SHISA6: variants seen among roughly 807,000 people sequenced by gnomAD.
The protein encoded by SHISA6 is shisa family member 6, also known as protein shisa-6.
A neutral mutation model predicts 47.9 loss-of-function variants in SHISA6; 22 were observed. The observed-to-expected ratio is 0.46, with a 90% CI of 0.33 to 0.66. SHISA6 has a LOEUF of 0.66. Among genes scored for constraint, SHISA6 ranks in the 30% least tolerant of loss-of-function variants. The pLI is 0.02. For missense variants in SHISA6, 680 were observed against 764.6 expected, an observed-to-expected ratio of 0.89 and a Z score of 1.30; for synonymous variants, 388 against 337.8, an observed-to-expected ratio of 1.15 and a Z score of -1.63.
chr17:11,241,625 C>T lies in SHISA6; in HGVS notation c.203C>T (p.Pro68Leu). 1 of 1,337,054 alleles carries T rather than the reference C, an allele frequency of 7.5e-7. No individual in the cohort carries two copies. Among genetic ancestry groups the T allele is most frequent in the Non-Finnish European group, 9.5e-7 (1 of 1,054,874 alleles). 82.8% of individuals were successfully genotyped at this position (1,337,054 alleles called of 1,614,324 possible). A position where few individuals can be genotyped will look rare whatever the true frequency, so the allele number is the denominator to read the frequency against. Reference protein sequence around the residue: ...LNGTARAPGIPEAGSRRGQPA... With the variant: ...LNGTARAPGILEAGSRRGQPA... ...GGCACCGCCCGGGCGCCCGGAATCC[C>T]GGAGGCGGGAAGCCGGCGGGGGCAG... Residue 68 changes from proline (P) to leucine (L), a missense_variant, in exon 1 of 6, where the codon CCG becomes CTG. By Grantham distance (98) the Pro-to-Leu change is moderately conservative. Coordinates refer to ENST00000441885, the MANE Select transcript of SHISA6 (RefSeq NM_207386.4). The surrounding 1 kb of genome is among the most constrained non-coding windows in gnomAD (Gnocchi z 5.5).
intron 3 of SHISA6, among the ~76,000 whole-genome samples, chr17:11,451,378 C>T (rs12940269): frequency 0.19 from 28,582 of 152,092 alleles, 3,040 homozygotes; most frequent in Middle Eastern, 0.24. Context: ...TTCATTCATC[C>T]GACAAAAGCT....
chr17:11,478,962 T>A (rs1397326296), intron 3 of SHISA6, among the ~76,000 whole-genome samples: 1 of 152,076 alleles, frequency 6.6e-6, no homozygotes, highest in East Asian at 1.9e-4. Context: ...GTGAAGAAAG[T>A]CATTGGTAGC....
rs1913866285 is a variant in SHISA6, at chr17:11,404,102, G to A, written c.895+24593G>A. ...AAGTTCAGTCAAAATAAAAATATCA[G>A]GCAGCTTTTAGGGAGATCAAAGCCA... On this transcript the variant is annotated intron_variant, in intron 3 of 5. Coordinates refer to ENST00000441885, the MANE Select transcript of SHISA6 (RefSeq NM_207386.4). Among the ~76,000 whole-genome samples, 5 of 152,192 alleles carry A rather than the reference G, an allele frequency of 3.3e-5. No individual in the cohort carries two copies. In the South Asian group the frequency reaches 1.0e-3, roughly 31 times the overall value.
Position 11,302,923 on chromosome 17 carries a change from G to C in SHISA6, c.799+39397G>C, listed in dbSNP as rs1345227315. Among the ~76,000 whole-genome samples, 7 of 152,162 alleles carry C rather than the reference G, an allele frequency of 4.6e-5. No homozygotes were observed. In the East Asian group the frequency reaches 1.3e-3, roughly 29 times the overall value. On this transcript the variant is annotated intron_variant, in intron 2 of 5. Transcript: ENST00000441885. ...TCTAGATGAAACAGACTTCCTGCAG[G>C]TTCTGCTGGAGTTTCATTGAAGGCT... is the stretch of plus-strand genomic sequence containing the variant.
intron 3 of SHISA6, among the ~76,000 whole-genome samples, chr17:11,449,829 A>G (rs11655824): frequency 0.087 from 13,211 of 152,234 alleles, 694 homozygotes; most frequent in Admixed American, 0.12. Context: ...TTGGCGATAG[A>G]TGTTTCACAC....
chr17:11,512,976 C>T (rs1486269962), intron 3 of SHISA6, among the ~76,000 whole-genome samples: 1 of 151,936 alleles, frequency 6.6e-6, no homozygotes, highest in Non-Finnish European at 1.5e-5. Flanking sequence ...TCCTTAGGAT[C>T]TATTGCCTTT....
At chr17:11,403,457 A>G (rs1201838046) in intron 3 of SHISA6, among the ~76,000 whole-genome samples, 1 of 152,210 alleles carries the variant, frequency 6.6e-6, no homozygotes, top group Non-Finnish European at 1.5e-5. Flanking sequence ...TTCTAGGGGA[A>G]CACAACAAAA....
chr17:11,401,821 A>G (rs1197963596), intron 3 of SHISA6, among the ~76,000 whole-genome samples: 1 of 152,162 alleles, frequency 6.6e-6, no homozygotes, highest in African/African-American at 2.4e-5. Context: ...TGTTGACACA[A>G]TCATGGAGTG....
chr17:11,381,150 T>G (rs535561686), intron 3 of SHISA6, among the ~76,000 whole-genome samples: 1 of 152,158 alleles, frequency 6.6e-6, no homozygotes, highest in Admixed American at 6.5e-5. Context: ...AAATATGGAT[T>G]TCCAAACAGA....
chr17:11,453,222 G>T (rs1455716390), intron 3 of SHISA6, among the ~76,000 whole-genome samples: 1 of 152,148 alleles, frequency 6.6e-6, no homozygotes, highest in Admixed American at 6.5e-5. Flanking sequence ...ATCCATTGTG[G>T]ATGCTAAAAG....
At chr17:11,497,361 T>C (rs2071417669) in intron 3 of SHISA6, among the ~76,000 whole-genome samples, 2 of 152,126 alleles carry the variant, frequency 1.3e-5, no homozygotes, top group African/African-American at 4.8e-5. Flanking sequence ...ATAATCACTC[T>C]GACTGCTGTG....
chr17:11,279,319 T>C (rs964682293), intron 2 of SHISA6, among the ~76,000 whole-genome samples: 1 of 152,160 alleles, frequency 6.6e-6, no homozygotes, highest in African/African-American at 2.4e-5. Flanking sequence ...AGAATACTCA[T>C]ATCAACTTGT....
chr17:11,533,956 G>A (rs977437402), intron 3 of SHISA6, among the ~76,000 whole-genome samples: 2 of 139,754 alleles, frequency 1.4e-5, no homozygotes, highest in Non-Finnish European at 3.0e-5. Flanking sequence ...ACACAGACTA[G>A]TATTTATTCT....
At chr17:11,474,547 T>G (rs184155996) in intron 3 of SHISA6, among the ~76,000 whole-genome samples, 1 of 152,272 alleles carries the variant, frequency 6.6e-6, no homozygotes, top group East Asian at 1.9e-4. Flanking sequence ...CAGCACCATT[T>G]GTTGAGAGAA....
intron 3 of SHISA6, among the ~76,000 whole-genome samples, chr17:11,431,346 C>T (rs1914766975): frequency 6.6e-6 from 1 of 152,192 alleles, no homozygotes; most frequent in Admixed American, 6.5e-5. Context: ...AAGAGCTGCC[C>T]TTTATGGCTC....
At chr17:11,417,871 G>C (rs1914329747) in intron 3 of SHISA6, among the ~76,000 whole-genome samples, 1 of 152,214 alleles carries the variant, frequency 6.6e-6, no homozygotes. Context: ...GTCGATCTAG[G>C]AAAATGCTTA....
At chr17:11,356,795 C>G (rs1376274716) in intron 2 of SHISA6, among the ~76,000 whole-genome samples, 1 of 152,066 alleles carries the variant, frequency 6.6e-6, no homozygotes, top group Non-Finnish European at 1.5e-5. Flanking sequence ...TAATATTTTT[C>G]CTTTCCTCTA....
At chr17:11,366,091 A>T (rs1460463269) in intron 2 of SHISA6, among the ~76,000 whole-genome samples, 3 of 152,214 alleles carry the variant, frequency 2.0e-5, no homozygotes, top group Non-Finnish European at 2.9e-5. Flanking sequence ...AAGTGGTGTG[A>T]GGGAGGGAAG....
intron 1 of SHISA6, among the ~76,000 whole-genome samples, chr17:11,260,521 G>C (rs573132137): frequency 6.6e-6 from 1 of 151,846 alleles, no homozygotes; most frequent in African/African-American, 2.4e-5. Context: ...GTCTCTCTCT[G>C]ACCCCCTTTC....
Sources: allele counts gnomAD v4.1 joint callset (sites outside exome capture counted in the v4.1 genomes callset), GRCh38; gene constraint gnomAD v4.1.1; non-coding constraint Gnocchi (gnomAD v3.1); transcripts MANE v1.5; gene names NCBI Gene and HGNC (gene_info 2026-07-23, HGNC 2026-07-21).